The following SLC17A3 variants were observed in gnomAD, a reference collection of about 807,000 sequenced individuals.
SLC17A3 encodes sodium-dependent phosphate transport protein 4.
SLC17A3 carries 61 observed loss-of-function variants against 60.3 expected under a neutral mutation model. The observed-to-expected ratio is 1.01, with a 90% CI of 0.82 to 1.25. The LOEUF is 1.25. Among genes scored for constraint, SLC17A3 ranks in the 50% most tolerant of loss-of-function variants. The probability of loss-of-function intolerance (pLI) is 0.00; values close to 1 mark genes in which losing one functional copy is unlikely to be tolerated. For missense variants in SLC17A3, 624 were observed against 594.9 expected, an observed-to-expected ratio of 1.05 and a Z score of -0.51; for synonymous variants, 192 against 208.9, an observed-to-expected ratio of 0.92 and a Z score of 0.70.
chr6:25,869,814 A>C (rs148268641), intron 1 of SLC17A3, among the ~76,000 whole-genome samples: 243 of 152,114 alleles, frequency 1.6e-3, no homozygotes, highest in Middle Eastern at 3.4e-3. Context: ...ACAATTCAAG[A>C]TGAGATCTGG....
chr6:25,862,519 A>G, intron 2 of SLC17A3, 75 bp from the exon 3 acceptor site: 1 of 1,160,874 alleles, frequency 8.6e-7, no homozygotes. Flanking sequence ...ATATGATTTA[A>G]AAAGTACCTG....
At chr6:25,872,330 A>C (rs1233424368) in intron 1 of SLC17A3, among the ~76,000 whole-genome samples, 2 of 70,756 alleles carry the variant, frequency 2.8e-5, no homozygotes, top group Admixed American at 1.3e-4. Context: ...CTTTAACGCC[A>C]AAAAAAAAAA....
intron 5 of SLC17A3, among the ~76,000 whole-genome samples, chr6:25,858,522 T>C (rs1366096869): frequency 6.6e-6 from 1 of 152,132 alleles, no homozygotes; most frequent in Non-Finnish European, 1.5e-5. Flanking sequence ...CATGGGAAGC[T>C]TCTCAGAACA....
chr6:25,855,356 C>A, intron 5 of SLC17A3, 126 bp from the exon 6 acceptor site: 1 of 675,886 alleles, frequency 1.5e-6, no homozygotes, highest in Non-Finnish European at 2.6e-6. Flanking sequence ...TATTAGAATG[C>A]ACAAACTTCA....
chr6:25,856,830 G>A (rs1458324666), intron 5 of SLC17A3, among the ~76,000 whole-genome samples: 1 of 142,322 alleles, frequency 7.0e-6, no homozygotes, highest in Non-Finnish European at 1.5e-5. Flanking sequence ...CTGGGCGACA[G>A]AGTGAGACTC....
In SLC17A3 at chr6:25,845,222, A is replaced by C; in HGVS notation, c.*79T>G. On this transcript the variant is annotated 3_prime_UTR_variant, in exon 13 of 13. Coordinates refer to ENST00000397060, the MANE Select transcript of SLC17A3 (RefSeq NM_001098486.2). ...GCCACAGGAAAAAAAAAATCTTTTC[A>C]CTGGTATTTTCATCACGGAAGCCTT... The C allele has an allele frequency of 1.3e-6, 1 of 743,940 alleles. No individual in the cohort carries two copies. Among genetic ancestry groups the C allele is most frequent in the South Asian group, 1.9e-5 (1 of 53,328 alleles). 46.1% of individuals were successfully genotyped at this position (743,940 alleles called of 1,614,324 possible). A position where few individuals can be genotyped will look rare whatever the true frequency, so the allele number is the denominator to read the frequency against.
Position 25,861,615 on chromosome 6 carries a change from T to C in SLC17A3, c.625+9A>G. ...TTGTAGTGTACCCATTTGGATTACA[T>C]GTCCTTACCTGATAAAGCAATGCTG... On this transcript the variant is annotated intron_variant, in intron 5 of 12. Coordinates refer to ENST00000397060, the MANE Select transcript of SLC17A3 (RefSeq NM_001098486.2). 4 of 1,612,492 alleles carry C rather than the reference T, an allele frequency of 2.5e-6. No homozygotes were observed. The highest frequency in any genetic ancestry group is 3.4e-6 in the Non-Finnish European group (4 of 1,178,506).
At chr6:25,864,903 G>T (rs1351051278) in intron 2 of SLC17A3, among the ~76,000 whole-genome samples, 1 of 151,918 alleles carries the variant, frequency 6.6e-6, no homozygotes, top group African/African-American at 2.4e-5. Flanking sequence ...TTGAATAGAT[G>T]GGGGAGGAAC....
Position 25,850,067 on chromosome 6 carries a change from C to T in SLC17A3, c.1104G>A (p.Arg368=). ...LTKKFRLITV[R]KIATILGSLP... ...TCTTACCTAAAATTGTGGCAATTTT[C>T]CTCACAGTGATGAGTCTAAACTTTT... The change falls in exon 9 of 13, where the codon AGG becomes AGA. Residue 368 remains arginine (R), a synonymous_variant. Transcript: ENST00000397060. 1 of 1,613,950 alleles carries T rather than the reference C, an allele frequency of 6.2e-7. No homozygotes were observed. Among genetic ancestry groups the T allele is most frequent in the Non-Finnish European group, 8.5e-7 (1 of 1,179,848 alleles).
intron 2 of SLC17A3, among the ~76,000 whole-genome samples, chr6:25,864,048 A>G (rs1765495154): frequency 6.6e-6 from 1 of 152,084 alleles, no homozygotes; most frequent in Non-Finnish European, 1.5e-5. Context: ...AGGAAGTCCC[A>G]ATGACATACC....
At chr6:25,858,025 T>C (rs190320405) in intron 5 of SLC17A3, among the ~76,000 whole-genome samples, 147 of 152,254 alleles carry the variant, frequency 9.7e-4, no homozygotes, top group Admixed American at 3.5e-3. Context: ...TCATGAACTT[T>C]TTTTGGAGGG....
At chr6:25,872,781 C>A (rs1765666212) in intron 1 of SLC17A3, among the ~76,000 whole-genome samples, 1 of 151,866 alleles carries the variant, frequency 6.6e-6, no homozygotes, top group South Asian at 2.1e-4. Flanking sequence ...TCAGTATCAT[C>A]TCCAGTCTCC....
chr6:25,849,854 T>C lies in SLC17A3; in HGVS notation c.1222A>G (p.Thr408Ala), dbSNP rs930237316. The change falls in exon 10 of 13, where the codon ACA becomes GCA. Residue 408 changes from threonine to alanine, a missense_variant. Physicochemically the swap from Thr to Ala is moderately conservative, Grantham distance 58 (BLOSUM62 0). Transcript: ENST00000397060. ...ATATAAATCCCTGACTGACACAATG[T>C]GCTTAATCCGCAAGAGAGCGTCAGC... The part of the protein sequence containing the change: ...ALLTLSCGLS[T>A]LCQSGIYINV... 2 of 1,614,060 alleles carry C rather than the reference T, an allele frequency of 1.2e-6. No individual in the cohort carries two copies. The highest frequency in any genetic ancestry group is 1.7e-6 in the Non-Finnish European group (2 of 1,179,894).
chr6:25,850,529 C>G lies in SLC17A3; in HGVS notation c.923G>C (p.Trp308Ser). 2 of 1,613,804 alleles carry G rather than the reference C, an allele frequency of 1.2e-6. No homozygotes were observed. Among genetic ancestry groups the G allele is most frequent in the Non-Finnish European group, 1.7e-6 (2 of 1,179,784 alleles). Reference protein sequence around the residue: ...SICLGCFSHQWLVSTMVVYIP... With the variant: ...SICLGCFSHQSLVSTMVVYIP... ...GTATACAACCATTGTGCTAACTAACCATTGATGGCTGAAACAGCCTAAACA... is the reference window on the plus strand; with the variant it reads ...GTATACAACCATTGTGCTAACTAACGATTGATGGCTGAAACAGCCTAAACA... Residue 308 changes from tryptophan to serine, a missense_variant, in exon 8 of 13, where the codon TGG becomes TCG. Transcript: ENST00000397060.
chr6:25,861,541 G>T, intron 5 of SLC17A3, 83 bp downstream of exon 5: 1 of 1,031,522 alleles, frequency 9.7e-7, no homozygotes. Context: ...AGATGATGAG[G>T]AACTATGCAA....
chr6:25,855,973 G>A lies in SLC17A3; in HGVS notation c.626-743C>T, dbSNP rs139193853. On this transcript the variant is annotated intron_variant, in intron 5 of 12. Transcript: ENST00000397060. ...TTATTCAACAATTAGTCTTGTAAGC[G>A]TTTTTATGTCATTCTAGAGTCTACG... is the stretch of plus-strand genomic sequence containing the variant. Among the ~76,000 whole-genome samples, 802 of 152,176 alleles carry A rather than the reference G, an allele frequency of 5.3e-3. 6 individuals are homozygous for A. The highest frequency in any genetic ancestry group is 0.018 in the African/African-American group (765 of 41,512).
chr6:25,855,878 A>G (rs1765349223), intron 5 of SLC17A3, among the ~76,000 whole-genome samples: 1 of 152,136 alleles, frequency 6.6e-6, no homozygotes, highest in South Asian at 2.1e-4. Flanking sequence ...AATACTATAT[A>G]TGTGTATAGG....
Position 25,850,506 on chromosome 6 carries a change from A to G in SLC17A3, c.946T>C (p.Tyr316His), listed in dbSNP as rs1765256741. Residue 316 changes from tyrosine (Y) to histidine (H), a missense_variant, in exon 8 of 13, where the codon TAC (tyrosine) becomes CAC (histidine). Tyr to His is a moderately conservative substitution (Grantham distance 83). Transcript: ENST00000397060. Reference sequence around the variant, plus strand: ...ACAGAGCTGATGTAAGTTGGTATGTATACAACCATTGTGCTAACTAACCAT... The same window carrying G: ...ACAGAGCTGATGTAAGTTGGTATGTGTACAACCATTGTGCTAACTAACCAT... Reference protein sequence around the residue: ...HQWLVSTMVVYIPTYISSVYH... With the variant: ...HQWLVSTMVVHIPTYISSVYH... 1 of 1,613,902 alleles carries G rather than the reference A, an allele frequency of 6.2e-7. No individual in the cohort carries two copies. Among genetic ancestry groups the G allele is most frequent in the Non-Finnish European group, 8.5e-7 (1 of 1,179,792 alleles).
Position 25,845,259 on chromosome 6 carries a change from A to ACT in SLC17A3, c.*41_*42insAG, listed in dbSNP as rs1765152370. The ACT allele has an allele frequency of 3.4e-6, 4 of 1,166,728 alleles. No individual in the cohort carries two copies. The Admixed American group carries it at 7.0e-5, about 20-fold the overall frequency. The allele number at this position is 1,166,728 out of a possible 1,614,324, so 72.3% of individuals were successfully genotyped here. On this transcript the variant is annotated 3_prime_UTR_variant, in exon 13 of 13. Coordinates refer to ENST00000397060, the MANE Select transcript of SLC17A3 (RefSeq NM_001098486.2). Reference sequence around the variant, plus strand: ...ATCACGGAAGCCTTCTATTTTATGCAATACGGTGCCTAATGACTTTTCCAT... The same window carrying ACT: ...ATCACGGAAGCCTTCTATTTTATGCACTATACGGTGCCTAATGACTTTTCCAT...
Sources: gnomAD v4.1 joint callset for allele counts (sites outside exome capture counted in the v4.1 genomes callset) on GRCh38, gnomAD v4.1.1 for gene constraint, MANE v1.5 for transcripts, NCBI Gene and HGNC (gene_info 2026-07-23, HGNC 2026-07-21) for gene names.